THEMIS: variants seen among roughly 807,000 people sequenced by gnomAD.
The protein encoded by THEMIS is protein THEMIS.
A neutral mutation model predicts 52.6 loss-of-function variants in THEMIS; 37 were observed. The ratio of observed to expected loss-of-function variants is 0.70; its 90% CI spans 0.54 to 0.93. The LOEUF is 0.93. Ranked by LOEUF, THEMIS falls within the 40% of genes least tolerant of loss-of-function variation. The pLI is 0.00. For missense variants in THEMIS, 808 were observed against 763.1 expected, an observed-to-expected ratio of 1.06 and a Z score of -0.69; for synonymous variants, 292 against 272.7, an observed-to-expected ratio of 1.07 and a Z score of -0.70.
rs903940777 is a variant in THEMIS, at chr6:127,754,576, G to A, written c.1759-34753C>T. 7.2e-5 allele frequency among the ~76,000 whole-genome samples: 11 copies of A among 152,236 alleles called. No individual in the cohort carries two copies. In the South Asian group the frequency reaches 1.2e-3, roughly 17 times the overall value. On this transcript the variant is annotated intron_variant, in intron 4 of 5. Coordinates refer to ENST00000368248, the MANE Select transcript of THEMIS (RefSeq NM_001010923.3). ...CTGGAACACAGGGAAACTCTCCCTCGATGAAATAATATAATTTCCTCCATT... is the reference window on the plus strand; with the variant it reads ...CTGGAACACAGGGAAACTCTCCCTCAATGAAATAATATAATTTCCTCCATT...
chr6:127,861,821 A>C (rs1779812006), intron 1 of THEMIS, among the ~76,000 whole-genome samples: 1 of 150,474 alleles, frequency 6.6e-6, no homozygotes, highest in Non-Finnish European at 1.5e-5. Context: ...GAAAGAAAAG[A>C]AAAAAAAGAA....
chr6:127,907,622 G>A (rs938148480), intron 1 of THEMIS, among the ~76,000 whole-genome samples: 3 of 151,820 alleles, frequency 2.0e-5, no homozygotes, highest in Non-Finnish European at 4.4e-5. Flanking sequence ...TTATTAGGCA[G>A]TTGTCTCAGC....
chr6:127,861,577 A>G (rs945385429), intron 1 of THEMIS, among the ~76,000 whole-genome samples: 1 of 152,020 alleles, frequency 6.6e-6, no homozygotes, highest in Non-Finnish European at 1.5e-5. Flanking sequence ...TGAGTTTAGG[A>G]GTTCAAGACC....
intron 1 of THEMIS, among the ~76,000 whole-genome samples, chr6:127,866,914 A>C (rs1779996672): frequency 6.6e-6 from 1 of 151,436 alleles, no homozygotes; most frequent in Non-Finnish European, 1.5e-5. Context: ...AGGCACAAAG[A>C]GCTTTGGCTA....
intron 2 of THEMIS, among the ~76,000 whole-genome samples, chr6:127,848,636 A>G (rs898132691): frequency 2.6e-5 from 4 of 152,146 alleles, no homozygotes; most frequent in African/African-American, 9.7e-5. Flanking sequence ...GTGAGATGGT[A>G]TCTCATTGTG....
At chr6:127,843,049 C>T (rs532012921) in intron 2 of THEMIS, among the ~76,000 whole-genome samples, 17 of 152,018 alleles carry the variant, frequency 1.1e-4, no homozygotes, top group South Asian at 4.1e-4. Context: ...GTAGGAAGCA[C>T]GTCCCAAAGC....
intron 4 of THEMIS, among the ~76,000 whole-genome samples, chr6:127,793,167 T>C (rs997911588): frequency 6.6e-6 from 1 of 152,208 alleles, no homozygotes; most frequent in Non-Finnish European, 1.5e-5. Context: ...AAGCATTGTG[T>C]GATCCTGGAG....
At chr6:127,775,637 CTTTT>C (rs1170881603) in intron 4 of THEMIS, among the ~76,000 whole-genome samples, 1 of 141,442 alleles carries the variant, frequency 7.1e-6, no homozygotes, top group African/African-American at 2.6e-5. Flanking sequence ...TTATTTCATG[CTTTT>C]TTTTTTTTTG....
At chr6:127,770,950 G>A (rs1032843835) in intron 4 of THEMIS, among the ~76,000 whole-genome samples, 1 of 152,130 alleles carries the variant, frequency 6.6e-6, no homozygotes, top group African/African-American at 2.4e-5. Flanking sequence ...AGAAATAAAG[G>A]GTATTCAATT....
chr6:127,916,034 C>T (rs1481177525), intron 1 of THEMIS, among the ~76,000 whole-genome samples: 1 of 151,838 alleles, frequency 6.6e-6, no homozygotes, highest in Non-Finnish European at 1.5e-5. Flanking sequence ...GTTTTTTCCC[C>T]CTAAAACTAG....
intron 4 of THEMIS, among the ~76,000 whole-genome samples, chr6:127,766,580 A>G (rs1776207958): frequency 6.6e-6 from 1 of 152,218 alleles, no homozygotes. Flanking sequence ...GTACACTTAC[A>G]GAAACATAGA....
intron 4 of THEMIS, among the ~76,000 whole-genome samples, chr6:127,793,879 C>T (rs1291762084): frequency 6.6e-6 from 1 of 152,104 alleles, no homozygotes; most frequent in Non-Finnish European, 1.5e-5. Context: ...TTTACAGAGC[C>T]AGGGCGAGAA....
At chr6:127,775,839 A>G (rs959609648) in intron 4 of THEMIS, among the ~76,000 whole-genome samples, 1 of 151,840 alleles carries the variant, frequency 6.6e-6, no homozygotes, top group Non-Finnish European at 1.5e-5. Context: ...CTTTTTAATC[A>G]TTTATTTGTC....
intron 1 of THEMIS, among the ~76,000 whole-genome samples, chr6:127,893,006 T>G: frequency 6.6e-6 from 1 of 152,160 alleles, no homozygotes; most frequent in East Asian, 1.9e-4. Context: ...ATATTTATAG[T>G]CTGTTTGCTC....
At chr6:127,878,453 A>G (rs1231801338) in intron 1 of THEMIS, among the ~76,000 whole-genome samples, 1 of 152,046 alleles carries the variant, frequency 6.6e-6, no homozygotes, top group Non-Finnish European at 1.5e-5. Flanking sequence ...CTATTTGCAA[A>G]AAAAAAATGC....
upstream of THEMIS, among the ~76,000 whole-genome samples, chr6:127,903,357 G>T (rs1214553168): frequency 1.3e-5 from 2 of 151,768 alleles, no homozygotes; most frequent in Non-Finnish European, 2.9e-5. Flanking sequence ...ATTGAAGTTT[G>T]GTCATTAGAA....
chr6:127,762,567 C>T (rs913836464), intron 4 of THEMIS, among the ~76,000 whole-genome samples: 1 of 152,044 alleles, frequency 6.6e-6, no homozygotes, highest in Non-Finnish European at 1.5e-5. Flanking sequence ...TGACAAGAAA[C>T]TTATTACTTC....
At chr6:127,833,010 C>G (rs892888126) in intron 2 of THEMIS, among the ~76,000 whole-genome samples, 20 of 151,832 alleles carry the variant, frequency 1.3e-4, no homozygotes, top group African/African-American at 4.6e-4. Context: ...TCTTGAACTC[C>G]TGACCTCAGG....
At chr6:127,774,017 A>C (rs1033514939) in intron 4 of THEMIS, among the ~76,000 whole-genome samples, 2 of 152,198 alleles carry the variant, frequency 1.3e-5, no homozygotes, top group African/African-American at 4.8e-5. Flanking sequence ...GCTATATCCA[A>C]GATGGCTCAC....
Sources: allele counts gnomAD v4.1 joint callset (sites outside exome capture counted in the v4.1 genomes callset), GRCh38; gene constraint gnomAD v4.1.1; transcripts MANE v1.5; gene names NCBI Gene and HGNC (gene_info 2026-07-23, HGNC 2026-07-21).